PRH1: variants seen among roughly 807,000 people sequenced by gnomAD.
The protein encoded by PRH1 is proline rich protein HaeIII subfamily 1.
PRH1 carries 7 observed loss-of-function variants against 7.9 expected under a neutral mutation model. That is an observed-to-expected ratio of 0.89 (90% CI 0.50 to 1.67). The LOEUF is 1.67. Among genes scored for constraint, PRH1 ranks in the 40% most tolerant of loss-of-function variants. The probability of loss-of-function intolerance (pLI) is 0.00; values close to 1 mark genes in which losing one functional copy is unlikely to be tolerated. For missense variants in PRH1, 109 were observed against 223.6 expected (o/e 0.49, Z 3.27); for synonymous variants, 45 against 80.8 (o/e 0.56, Z 2.38).
chr12:10,936,454 A>C (rs1950289687), intron 2 of PRH1, among the ~76,000 whole-genome samples: 1 of 152,118 alleles, frequency 6.6e-6, no homozygotes, highest in Non-Finnish European at 1.5e-5. Context: ...GTACAATTTC[A>C]TGAGTGTCTC....
intron 1 of PRH1, among the ~76,000 whole-genome samples, chr12:11,035,262 C>T (rs564293344): frequency 7.7e-5 from 11 of 143,582 alleles, no homozygotes; most frequent in Non-Finnish European, 1.7e-4. Context: ...TTGTTCTCTT[C>T]TAATTTTCGG....
intron 2 of PRH1, among the ~76,000 whole-genome samples, chr12:10,929,777 C>G (rs1272519946): frequency 1.3e-5 from 2 of 152,120 alleles, no homozygotes; most frequent in African/African-American, 4.8e-5. Flanking sequence ...AAACACTTGC[C>G]TCTGTCTACA....
intron 2 of PRH1, among the ~76,000 whole-genome samples, chr12:10,919,906 T>C (rs1426417454): frequency 9.0e-6 from 1 of 111,418 alleles, no homozygotes; most frequent in Non-Finnish European, 2.1e-5. Flanking sequence ...ATTTTTTTAA[T>C]CTTTTTTTTT....
intron 2 of PRH1, among the ~76,000 whole-genome samples, chr12:10,896,156 A>G (rs1949641891): frequency 6.6e-6 from 1 of 152,208 alleles, no homozygotes; most frequent in African/African-American, 2.4e-5. Context: ...TTTACATGGA[A>G]AGTTCTGCAT....
intron 1 of PRH1, among the ~76,000 whole-genome samples, chr12:11,154,653 A>G (rs1471646767): frequency 1.3e-5 from 2 of 152,218 alleles, no homozygotes; most frequent in Non-Finnish European, 2.9e-5. Context: ...CCTTCAAAAG[A>G]ACAACTGAAA....
At chr12:10,899,295 A>G (rs927073790) in intron 2 of PRH1, among the ~76,000 whole-genome samples, 3 of 151,966 alleles carry the variant, frequency 2.0e-5, no homozygotes, top group African/African-American at 7.3e-5. Flanking sequence ...TTTTTATGTG[A>G]GAAGGACACG....
intron 2 of PRH1, among the ~76,000 whole-genome samples, chr12:10,954,216 T>C (rs955884467): frequency 2.0e-5 from 3 of 152,184 alleles, no homozygotes; most frequent in Non-Finnish European, 4.4e-5. Flanking sequence ...GTCTGCATGA[T>C]AAGCAGCTAA....
chr12:10,973,464 C>A, intron 2 of PRH1: 1 of 437,836 alleles, frequency 2.3e-6, no homozygotes, highest in Non-Finnish European at 4.0e-6. Context: ...CTATATTTTA[C>A]AACTACTATC....
Position 10,882,515 on chromosome 12 carries a change from GGTGGT to G in PRH1, c.279_283del (p.Pro95ThrfsTer94). 1 of 880,130 alleles carries G rather than the reference GGTGGT, an allele frequency of 1.1e-6. No individual in the cohort carries two copies. The highest frequency in any genetic ancestry group is 1.7e-6 in the Non-Finnish European group (1 of 580,560). 54.5% of individuals were successfully genotyped at this position (880,130 alleles called of 1,614,324 possible). A position where few individuals can be genotyped will look rare whatever the true frequency, so the allele number is the denominator to read the frequency against. On this transcript the variant is annotated frameshift_variant, in exon 3 of 4. Transcript: ENST00000543626. LOFTEE classifies it low-confidence loss of function (END_TRUNC). ...TTGTTGCTGCTGGCCTCCTTGTTGG[GGTGGT>G]CCTTGTGGCTTTCCCTGAGGAGGTG...
chr12:10,896,580 G>A (rs1949648077), intron 2 of PRH1, among the ~76,000 whole-genome samples: 1 of 152,010 alleles, frequency 6.6e-6, no homozygotes. Context: ...TGGCCAACAT[G>A]GTGAAACCCT....
intron 1 of PRH1, among the ~76,000 whole-genome samples, chr12:11,100,834 T>C (rs1270947566): frequency 6.6e-6 from 1 of 152,154 alleles, no homozygotes; most frequent in Non-Finnish European, 1.5e-5. Flanking sequence ...CTATGATTTT[T>C]TTCTCTAATG....
chr12:10,909,296 C>T, intron 2 of PRH1: 1 of 1,605,180 alleles, frequency 6.2e-7, no homozygotes, highest in Non-Finnish European at 8.5e-7. Context: ...GGGCACTTTC[C>T]ATGTCAGAAC....
intron 1 of PRH1, among the ~76,000 whole-genome samples, chr12:11,128,787 T>C (rs1441336449): frequency 6.6e-6 from 1 of 152,206 alleles, no homozygotes; most frequent in Admixed American, 6.5e-5. Flanking sequence ...CTTTCATTGG[T>C]TAGTTTTGTT....
intron 1 of PRH1, among the ~76,000 whole-genome samples, chr12:11,057,627 C>T (rs2598001): frequency 0.43 from 64,392 of 149,782 alleles, 14,175 homozygotes; most frequent in Non-Finnish European, 0.5. Flanking sequence ...TTTCTATAAC[C>T]GGATTCACTT....
At chr12:11,071,772 G>C (rs1238130078) in intron 1 of PRH1, among the ~76,000 whole-genome samples, 1 of 152,138 alleles carries the variant, frequency 6.6e-6, no homozygotes, top group Non-Finnish European at 1.5e-5. Flanking sequence ...ATACATGTCG[G>C]TGTATGTTAT....
At chr12:11,018,901 G>C (rs889414786) in intron 1 of PRH1, among the ~76,000 whole-genome samples, 2 of 152,288 alleles carry the variant, frequency 1.3e-5, no homozygotes, top group Admixed American at 1.3e-4. Context: ...CGCCCGAAGG[G>C]ACTGTCTGGT....
At position 11,041,288 on chromosome 12, in the gene PRH1, CA is replaced by C. The variant is rs67144212; in HGVS notation, c.-126+5731del. Among the ~76,000 whole-genome samples, 323 of 81,356 alleles carry C rather than the reference CA, an allele frequency of 4.0e-3. 1 individual carries two copies. The East Asian group carries it at 0.047, about 12-fold the overall frequency. 53.4% of individuals were successfully genotyped at this position (81,356 alleles called of 152,430 possible). A position where few individuals can be genotyped will look rare whatever the true frequency, so the allele number is the denominator to read the frequency against. On this transcript the variant is annotated intron_variant, in intron 1 of 3. Transcript: ENST00000539853. ...AAAGATATTCCATGTCAATGCAAAC[CA>C]AAAAAAAAAAAAAAAAAAAAAACAA...
intron 1 of PRH1, among the ~76,000 whole-genome samples, chr12:11,068,983 C>G (rs1351349930): frequency 1.2e-4 from 2 of 17,112 alleles, no homozygotes; most frequent in Admixed American, 2.3e-3. Context: ...GATTGGCTCA[C>G]TGCTCTCCAC....
At chr12:11,029,775 T>C (rs1317436363) in intron 1 of PRH1, among the ~76,000 whole-genome samples, 7 of 152,168 alleles carry the variant, frequency 4.6e-5, no homozygotes, top group Non-Finnish European at 7.4e-5. Context: ...ACATTAAATT[T>C]ACTCTGCATA....
Sources: gnomAD v4.1 joint callset for allele counts (sites outside exome capture counted in the v4.1 genomes callset) on GRCh38, gnomAD v4.1.1 for gene constraint, MANE v1.5 for transcripts, NCBI Gene and HGNC (gene_info 2026-07-23, HGNC 2026-07-21) for gene names.